The following PCDH15 variants were observed in gnomAD, a reference collection of about 807,000 sequenced individuals.
The protein encoded by PCDH15 is protocadherin-15.
PCDH15 carries 129 observed loss-of-function variants against 178.5 expected under a neutral mutation model. That is an observed-to-expected ratio of 0.72 (90% CI 0.63 to 0.84). PCDH15 has a LOEUF of 0.84. PCDH15 is among the 40% of genes least tolerant of loss of function. The probability of loss-of-function intolerance (pLI) is 0.00; values close to 1 mark genes in which losing one functional copy is unlikely to be tolerated. For missense variants in PCDH15, 2,230 were observed against 2,099.9 expected, an observed-to-expected ratio of 1.06 and a Z score of -1.21; for synonymous variants, 800 against 732.0, an observed-to-expected ratio of 1.09 and a Z score of -1.50.
chr10:55,590,905 A>G (rs1842830869), intron 2 of PCDH15, among the ~76,000 whole-genome samples: 2 of 152,180 alleles, frequency 1.3e-5, no homozygotes, highest in Admixed American at 1.3e-4. Context: ...TTCCTAAGAA[A>G]TAAGAGAATT....
At chr10:53,819,416 A>G (rs1455167975) in intron 33 of PCDH15, among the ~76,000 whole-genome samples, 1 of 152,004 alleles carries the variant, frequency 6.6e-6, no homozygotes, top group Non-Finnish European at 1.5e-5. Flanking sequence ...CAAAGGCAGA[A>G]AGTTACTTGA....
chr10:54,317,733 CT>C (rs1366847571), intron 7 of PCDH15, among the ~76,000 whole-genome samples: 2 of 151,946 alleles, frequency 1.3e-5, no homozygotes, highest in East Asian at 3.9e-4. Flanking sequence ...GATCACGCCA[CT>C]GCACTCCAGC....
chr10:54,633,974 G>A (rs1344024168), intron 2 of PCDH15, among the ~76,000 whole-genome samples: 1 of 152,092 alleles, frequency 6.6e-6, no homozygotes, highest in African/African-American at 2.4e-5. Context: ...ATGCCAAGAT[G>A]CCCATGCACC....
intron 2 of PCDH15, among the ~76,000 whole-genome samples, chr10:54,911,495 T>C (rs2131834957): frequency 6.6e-6 from 1 of 152,298 alleles, no homozygotes; most frequent in African/African-American, 2.4e-5. Context: ...ATACAATAAA[T>C]GAATGATAAA....
At chr10:53,887,072 G>T (rs1057501616) in intron 26 of PCDH15, among the ~76,000 whole-genome samples, 1 of 152,140 alleles carries the variant, frequency 6.6e-6, no homozygotes, top group Non-Finnish European at 1.5e-5. Context: ...CATGATCCTG[G>T]ATTCTGAAAC....
chr10:55,024,138 T>G (rs1261243885), intron 2 of PCDH15, among the ~76,000 whole-genome samples: 6 of 144,580 alleles, frequency 4.1e-5, no homozygotes, highest in South Asian at 2.1e-4. Context: ...TATATATATA[T>G]AGGAAGGAAT....
chr10:54,953,235 G>C (rs1279616143), intron 2 of PCDH15, among the ~76,000 whole-genome samples: 1 of 151,172 alleles, frequency 6.6e-6, no homozygotes, highest in African/African-American at 2.4e-5. Flanking sequence ...ATGACCAACT[G>C]GTGCATTTTG....
intron 1 of PCDH15, among the ~76,000 whole-genome samples, chr10:55,188,002 T>C (rs1839843457): frequency 6.6e-6 from 1 of 151,800 alleles, no homozygotes; most frequent in Non-Finnish European, 1.5e-5. Context: ...GTCCAGGCAG[T>C]AGGTGGGAAT....
chr10:54,695,134 G>T (rs1053315331), intron 1 of PCDH15, among the ~76,000 whole-genome samples: 4 of 152,146 alleles, frequency 2.6e-5, no homozygotes, highest in African/African-American at 9.7e-5. Context: ...GTTAATGGGT[G>T]CAGCACACCA....
intron 2 of PCDH15, among the ~76,000 whole-genome samples, chr10:54,554,736 A>G (rs1384324677): frequency 6.6e-6 from 1 of 152,186 alleles, no homozygotes; most frequent in Non-Finnish European, 1.5e-5. Context: ...TCATTTTTGC[A>G]AAGAGCCCTA....
rs142004444 is a variant in PCDH15, at chr10:54,365,606, T to TG, written c.474+3513dup. ...TGTTTACTTACATCAAAATAAATTTTGGGGGGTGAGATGAACCTCAAAAAC... is the reference window on the plus strand; with the variant it reads ...TGTTTACTTACATCAAAATAAATTTTGGGGGGGTGAGATGAACCTCAAAAAC... On this transcript the variant is annotated intron_variant, in intron 5 of 37. Coordinates refer to ENST00000644397, the MANE Select transcript of PCDH15 (RefSeq NM_001384140.1). Among the ~76,000 whole-genome samples, 11 of 152,180 alleles carry TG rather than the reference T, an allele frequency of 7.2e-5. No individual in the cohort carries two copies. The East Asian group carries it at 2.1e-3, about 29-fold the overall frequency.
At chr10:54,085,173 A>G (rs1272323983) in intron 16 of PCDH15, among the ~76,000 whole-genome samples, 1 of 152,038 alleles carries the variant, frequency 6.6e-6, no homozygotes, top group Admixed American at 6.6e-5. Flanking sequence ...ATATTATTTA[A>G]TTTTCAATAT....
Position 55,365,892 on chromosome 10 carries a change from C to T in PCDH15, c.-155-199241G>A, listed in dbSNP as rs1410077307. 3.3e-5 allele frequency among the ~76,000 whole-genome samples: 5 copies of T among 151,972 alleles called. No individual in the cohort carries two copies. In the East Asian group the frequency reaches 9.7e-4, roughly 29 times the overall value. The stretch of plus-strand genomic sequence containing the variant: ...AGATTCATGAGAAACTCATGAGATA[C>T]TTCCCATTGTATCCTATCAGTAGTT... On this transcript the variant is annotated intron_variant, in intron 2 of 5. Transcript: ENST00000613346.
intron 20 of PCDH15, among the ~76,000 whole-genome samples, chr10:54,010,093 C>G (rs940950265): frequency 6.6e-6 from 1 of 152,164 alleles, no homozygotes; most frequent in African/African-American, 2.4e-5. Context: ...GGGTCGGGAG[C>G]AGCTCTGTAC....
intron 2 of PCDH15, among the ~76,000 whole-genome samples, chr10:55,344,734 A>G (rs1458383669): frequency 6.6e-6 from 1 of 152,122 alleles, no homozygotes; most frequent in Non-Finnish European, 1.5e-5. Flanking sequence ...ATAGACTTCA[A>G]GGAATAGGTC....
intron 8 of PCDH15, among the ~76,000 whole-genome samples, chr10:54,261,824 C>G (rs1163669097): frequency 6.6e-6 from 1 of 152,144 alleles, no homozygotes; most frequent in African/African-American, 2.4e-5. Flanking sequence ...GGAGATGCAG[C>G]TGGGAAGTGC....
At chr10:54,928,566 A>C (rs574645953) in intron 2 of PCDH15, among the ~76,000 whole-genome samples, 1 of 152,226 alleles carries the variant, frequency 6.6e-6, no homozygotes, top group South Asian at 2.1e-4. Flanking sequence ...CATCTCTTTC[A>C]GGGACACCAA....
At chr10:54,388,956 T>C (rs61855500) in intron 3 of PCDH15, among the ~76,000 whole-genome samples, 1 of 152,178 alleles carries the variant, frequency 6.6e-6, no homozygotes, top group African/African-American at 2.4e-5. Context: ...GTTCTATTAC[T>C]GGCACATTGA....
At chr10:54,306,372 G>A (rs1030233850) in intron 8 of PCDH15, among the ~76,000 whole-genome samples, 2 of 152,052 alleles carry the variant, frequency 1.3e-5, no homozygotes, top group African/African-American at 4.8e-5. Context: ...GCGAGAGAAA[G>A]ATAATTTAAG....
Sources: allele counts gnomAD v4.1 joint callset (sites outside exome capture counted in the v4.1 genomes callset), GRCh38; gene constraint gnomAD v4.1.1; transcripts MANE v1.5; gene names NCBI Gene and HGNC (gene_info 2026-07-23, HGNC 2026-07-21).